Variants in ASIC2 observed in about 807,000 individuals in gnomAD.
ASIC2 encodes acid sensing ion channel subunit 2.
A neutral mutation model predicts 57.3 loss-of-function variants in ASIC2; 25 were observed. That is an observed-to-expected ratio of 0.44 (90% CI 0.32 to 0.61). The LOEUF (loss-of-function observed/expected upper bound fraction) is 0.61. Among genes scored for constraint, ASIC2 ranks in the 20% least tolerant of loss-of-function variants. ASIC2 has a pLI of 0.06. For missense variants in ASIC2, 641 were observed against 738.1 expected, an observed-to-expected ratio of 0.87 and a Z score of 1.52; for synonymous variants, 319 against 307.5, an observed-to-expected ratio of 1.04 and a Z score of -0.39.
intron 1 of ASIC2, among the ~76,000 whole-genome samples, chr17:33,501,991 A>G (rs1359643832): frequency 6.6e-6 from 1 of 152,164 alleles, no homozygotes; most frequent in East Asian, 1.9e-4. Flanking sequence ...TCCTTGATCA[A>G]TGGCTTTGCC....
intron 1 of ASIC2, among the ~76,000 whole-genome samples, chr17:33,140,517 G>C (rs1384564782): frequency 1.3e-5 from 2 of 152,208 alleles, no homozygotes; most frequent in African/African-American, 2.4e-5. Context: ...CAAGGCTGTG[G>C]TTAGCATTGC....
chr17:33,396,686 G>A (rs1394221600), intron 1 of ASIC2, among the ~76,000 whole-genome samples: 3 of 152,160 alleles, frequency 2.0e-5, no homozygotes, highest in African/African-American at 7.2e-5. Context: ...TGAGGCTAAG[G>A]TAGAGGACTG....
intron 1 of ASIC2, among the ~76,000 whole-genome samples, chr17:34,087,578 T>C (rs1168076174): frequency 5.9e-5 from 9 of 152,186 alleles, no homozygotes; most frequent in East Asian, 1.9e-4. Flanking sequence ...TGAATCTGAA[T>C]GTTGGCCTGC....
chr17:33,331,333 T>C (rs1597686225), intron 1 of ASIC2, among the ~76,000 whole-genome samples: 2 of 152,148 alleles, frequency 1.3e-5, no homozygotes, highest in African/African-American at 4.8e-5. Flanking sequence ...ATTACTAACA[T>C]TGTCCACATA....
At chr17:33,594,198 T>A (rs960279728) in intron 1 of ASIC2, among the ~76,000 whole-genome samples, 1 of 152,276 alleles carries the variant, frequency 6.6e-6, no homozygotes, top group African/African-American at 2.4e-5. Context: ...CATTCTGCCC[T>A]ATTCTGACGT....
At chr17:33,105,076 C>G (rs941785237) in intron 2 of ASIC2, among the ~76,000 whole-genome samples, 1 of 152,208 alleles carries the variant, frequency 6.6e-6, no homozygotes, top group Admixed American at 6.5e-5. Flanking sequence ...GTGAGCCAGA[C>G]AGTCCAAGGT....
At chr17:33,805,447 A>G (rs991390082) in intron 1 of ASIC2, among the ~76,000 whole-genome samples, 8 of 152,220 alleles carry the variant, frequency 5.3e-5, no homozygotes, top group African/African-American at 1.7e-4. Flanking sequence ...GCCACTCCTG[A>G]CACCAGCCAG....
chr17:33,602,520 T>G (rs1172533885), intron 1 of ASIC2, among the ~76,000 whole-genome samples: 1 of 152,216 alleles, frequency 6.6e-6, no homozygotes, highest in East Asian at 1.9e-4. Context: ...ACTTTCCAGC[T>G]TCTGGAACCA....
At chr17:33,028,994 A>G (rs1368072292) in intron 3 of ASIC2, among the ~76,000 whole-genome samples, 3 of 152,030 alleles carry the variant, frequency 2.0e-5, no homozygotes, top group Non-Finnish European at 2.9e-5. Flanking sequence ...TTACATTCCT[A>G]TTTTCAGAGG....
At chr17:33,832,519 G>A (rs1913147259) in intron 1 of ASIC2, among the ~76,000 whole-genome samples, 1 of 152,160 alleles carries the variant, frequency 6.6e-6, no homozygotes, top group African/African-American at 2.4e-5. Context: ...GTGAGATAGA[G>A]ACTACAAATC....
chr17:33,113,047 A>G (rs139582779), intron 1 of ASIC2, among the ~76,000 whole-genome samples: 41 of 152,248 alleles, frequency 2.7e-4, no homozygotes, highest in African/African-American at 9.4e-4. Flanking sequence ...CTGCTTACTC[A>G]TGCTTAGTAC....
chr17:33,950,982 G>T lies in ASIC2; in HGVS notation c.555+204996C>A, dbSNP rs147180953. Among the ~76,000 whole-genome samples the T allele has an allele frequency of 4.2e-3, 637 of 152,270 alleles. 7 individuals are homozygous for T. The highest frequency in any genetic ancestry group is 0.014 in the African/African-American group (590 of 41,564). ...TTTAGTCCCTCATTTGTCCAGGCCTGATCTATTCATTGGGAGGTAACAAGT... is the reference window on the plus strand; with the variant it reads ...TTTAGTCCCTCATTTGTCCAGGCCTTATCTATTCATTGGGAGGTAACAAGT... On this transcript the variant is annotated intron_variant, in intron 1 of 9. Transcript: ENST00000359872.
chr17:33,055,402 C>A (rs1480511733), intron 3 of ASIC2, among the ~76,000 whole-genome samples: 3 of 152,186 alleles, frequency 2.0e-5, no homozygotes, highest in Non-Finnish European at 4.4e-5. Flanking sequence ...TACCAAGGGC[C>A]TCTGGGGTCA....
rs1036007071 is a variant in ASIC2, at chr17:33,112,087, G to C, written c.709-20C>G. ...AAACACCTGAAGGAGAGAAGAGAGA[G>C]AGAGAGAGAAGCACATGGGTAACTT... On this transcript the variant is annotated intron_variant, in intron 1 of 9. Transcript: ENST00000225823. 1 of 1,603,682 alleles carries C rather than the reference G, an allele frequency of 6.2e-7. No homozygotes were observed. The highest frequency in any genetic ancestry group is 8.5e-7 in the Non-Finnish European group (1 of 1,174,878).
At chr17:34,120,439 A>G (rs1271861303) in intron 1 of ASIC2, among the ~76,000 whole-genome samples, 1 of 151,868 alleles carries the variant, frequency 6.6e-6, no homozygotes, top group East Asian at 1.9e-4. Context: ...GAGATATTAG[A>G]CTTAGAGTTG....
intron 1 of ASIC2, among the ~76,000 whole-genome samples, chr17:33,725,864 G>C (rs1462092295): frequency 6.6e-6 from 1 of 151,994 alleles, no homozygotes; most frequent in Non-Finnish European, 1.5e-5. Context: ...CTTCTGCACT[G>C]ACCCCACAGA....
intron 1 of ASIC2, among the ~76,000 whole-genome samples, chr17:33,536,921 G>A (rs1302920485): frequency 6.6e-6 from 1 of 152,052 alleles, no homozygotes; most frequent in Non-Finnish European, 1.5e-5. Flanking sequence ...TGAGGTGGAG[G>A]AATCACCCGA....
chr17:33,901,761 A>G (rs374236511), intron 1 of ASIC2, among the ~76,000 whole-genome samples: 2 of 152,128 alleles, frequency 1.3e-5, no homozygotes, highest in East Asian at 3.9e-4. Context: ...AGGTGTAGTG[A>G]TATTGATCTG....
At chr17:33,883,629 A>G (rs1292499138) in intron 1 of ASIC2, among the ~76,000 whole-genome samples, 1 of 152,146 alleles carries the variant, frequency 6.6e-6, no homozygotes, top group Non-Finnish European at 1.5e-5. Flanking sequence ...TGCACATGTC[A>G]GTTGCCTGCT....
Sources: gnomAD v4.1 joint callset for allele counts (sites outside exome capture counted in the v4.1 genomes callset) on GRCh38, gnomAD v4.1.1 for gene constraint, MANE v1.5 for transcripts, NCBI Gene and HGNC (gene_info 2026-07-23, HGNC 2026-07-21) for gene names.